The following ZNF554 variants were observed in gnomAD, a reference collection of about 807,000 sequenced individuals.
The protein encoded by ZNF554 is zinc finger protein 554.
In ZNF554, 15 loss-of-function variants were observed where a neutral mutation model predicts 21.2. The observed-to-expected ratio is 0.71, with a 90% CI of 0.47 to 1.09. The LOEUF (loss-of-function observed/expected upper bound fraction) is 1.09. Among genes scored for constraint, ZNF554 ranks in the 50% least tolerant of loss-of-function variants. The pLI, the probability that ZNF554 is intolerant of heterozygous loss-of-function variation, is 0.00. For synonymous variants in ZNF554, 258 were observed against 251.4 expected (o/e 1.03, Z -0.25); for missense variants, 691 against 662.7 (o/e 1.04, Z -0.47).
chr19:2,831,188 G>A (rs2087411674), intron 3 of ZNF554: 1 of 152,150 alleles, frequency 6.6e-6, no homozygotes, highest in Admixed American at 6.6e-5. Context: ...TAATATGTGT[G>A]AAGTGGTATC....
At chr19:2,827,539 GCCA>G in intron 2 of ZNF554, 75 bp from the exon 3 acceptor site, 1 of 1,536,356 alleles carries the variant, frequency 6.5e-7, no homozygotes, top group Non-Finnish European at 8.8e-7. Flanking sequence ...CTTCCCTGGT[GCCA>G]CCAACCTCAC....
At chr19:2,828,389 C>T (rs561739063) in intron 3 of ZNF554, among the ~76,000 whole-genome samples, 1 of 152,344 alleles carries the variant, frequency 6.6e-6, no homozygotes, top group East Asian at 1.9e-4. Flanking sequence ...CCGTTTCACA[C>T]TGCTATAAAG....
At chr19:2,824,239 C>G (rs912554714) in intron 2 of ZNF554, among the ~76,000 whole-genome samples, 2 of 152,192 alleles carry the variant, frequency 1.3e-5, no homozygotes, top group African/African-American at 4.8e-5. Context: ...GTCTCCAGCT[C>G]CTGCCTGCTT....
Position 2,834,010 on chromosome 19 carries a change from G to A in ZNF554, c.775G>A (p.Val259Ile). ...TATTACAAGCTTGGCATCCGATTCA[G>A]TCTTAAACCACCATCAGCTGGGATA... ...LDITSLASDS[V>I]LNHHQLGYAD... Residue 259 changes from valine to isoleucine, a missense_variant, in exon 5 of 5, where the codon GTC (valine) becomes ATC (isoleucine). Val to Ile is a conservative substitution (Grantham distance 29). Coordinates refer to ENST00000317243, the MANE Select transcript of ZNF554 (RefSeq NM_001102651.2). 6.2e-7 allele frequency: 1 copy of A among 1,614,132 alleles called. No homozygotes were observed. The highest frequency in any genetic ancestry group is 8.5e-7 in the Non-Finnish European group (1 of 1,180,040).
At chr19:2,829,376 C>T (rs2087381623) in intron 3 of ZNF554, among the ~76,000 whole-genome samples, 1 of 147,096 alleles carries the variant, frequency 6.8e-6, no homozygotes, top group Non-Finnish European at 1.5e-5. Flanking sequence ...ATATATACAG[C>T]AGTGGCTCAC....
chr19:2,821,782 G>A lies in ZNF554; in HGVS notation c.54-1258G>A, dbSNP rs2087267314. ...CACAGGATCAAGCAATTCTGCCTCAGCCTCTCGAGTAGCTGGGATTACAGG... is the reference window on the plus strand; with the variant it reads ...CACAGGATCAAGCAATTCTGCCTCAACCTCTCGAGTAGCTGGGATTACAGG... On this transcript the variant is annotated intron_variant, in intron 1 of 4. Transcript: ENST00000317243. This position sits in a 1 kb window ranked among gnomAD's most constrained non-coding sequence, Gnocchi z 8.2. 6.6e-6 allele frequency among the ~76,000 whole-genome samples: 1 copy of A among 151,624 alleles called. No individual in the cohort carries two copies. The highest frequency in any genetic ancestry group is 1.9e-4 in the East Asian group (1 of 5,132).
chr19:2,827,560 C>A, intron 2 of ZNF554, 57 bp from the exon 3 acceptor site: 1 of 1,575,036 alleles, frequency 6.3e-7, no homozygotes, highest in South Asian at 1.2e-5. Context: ...CACCCCTCCT[C>A]CCATGAACGT....
At position 2,827,707 on chromosome 19, in the gene ZNF554, G is replaced by A. The variant is rs140125301; in HGVS notation, c.217G>A (p.Val73Met). The A allele has an allele frequency of 3.1e-6, 5 of 1,614,028 alleles. No homozygotes were observed. The highest frequency in any genetic ancestry group is 2.5e-6 in the Non-Finnish European group (3 of 1,179,952). ...TGCTCAGAAGAACCTGTACAGAGAG[G>A]TGATGCTGGAGAACTACAGGAACGT... Reference protein sequence around the residue: ...EPAQKNLYREVMLENYRNVVS... With the variant: ...EPAQKNLYREMMLENYRNVVS... The change falls in exon 3 of 5, where the codon GTG (valine) becomes ATG (methionine). Residue 73 changes from valine (V) to methionine (M), a missense_variant. Transcript: ENST00000317243.
Position 2,834,027 on chromosome 19 carries a change from G to A in ZNF554, c.792G>A (p.Gln264=), listed in dbSNP as rs899566813. The part of the protein sequence containing the change: ...LASDSVLNHH[Q]LGYADRRPCE... ...CCGATTCAGTCTTAAACCACCATCA[G>A]CTGGGATATGCAGATCGGAGACCTT... Residue 264 remains glutamine, a synonymous_variant, in exon 5 of 5, where the codon CAG becomes CAA. Coordinates refer to ENST00000317243, the MANE Select transcript of ZNF554 (RefSeq NM_001102651.2). 6.2e-7 allele frequency: 1 copy of A among 1,614,148 alleles called. No individual in the cohort carries two copies. The highest frequency in any genetic ancestry group is 8.5e-7 in the Non-Finnish European group (1 of 1,180,040).
In ZNF554 at chr19:2,834,260, A is replaced by G. The variant is rs2087464862; in HGVS notation, c.1025A>G (p.His342Arg). ...VFNRRHSLSEHQRIHTGEKPY... is the reference protein window; with the variant it reads ...VFNRRHSLSERQRIHTGEKPY... ...AACCGGAGGCATTCTTTGAGCGAAC[A>G]TCAAAGAATTCACACGGGGGAGAAA... is the stretch of plus-strand genomic sequence containing the variant. Residue 342 changes from histidine to arginine, a missense_variant, in exon 5 of 5, where the codon CAT (histidine) becomes CGT (arginine). Coordinates refer to ENST00000317243, the MANE Select transcript of ZNF554 (RefSeq NM_001102651.2). 3 of 1,614,104 alleles carry G rather than the reference A, an allele frequency of 1.9e-6. No individual in the cohort carries two copies. Among genetic ancestry groups the G allele is most frequent in the Non-Finnish European group, 1.7e-6 (2 of 1,180,034 alleles).
chr19:2,823,211 G>C (rs1178291285), intron 2 of ZNF554, 99 bp downstream of exon 2: 3 of 1,211,146 alleles, frequency 2.5e-6, no homozygotes, highest in Non-Finnish European at 3.5e-6. Context: ...CTTGCTATGT[G>C]AAAGTTCAGG....
Position 2,834,315 on chromosome 19 carries a change from C to G in ZNF554, c.1080C>G (p.Ala360=). ...KPYECQECGR[A]FTHSSTLTRH... is the part of the protein sequence containing the mutation. ...ACGAGTGTCAGGAGTGTGGGCGAGC[C>G]TTTACGCACAGCTCCACCCTCACGC... The change falls in exon 5 of 5, where the codon GCC becomes GCG. Residue 360 remains alanine, a synonymous_variant. Transcript: ENST00000317243. The G allele has an allele frequency of 6.2e-7, 1 of 1,614,054 alleles. No individual in the cohort carries two copies. The highest frequency in any genetic ancestry group is 8.5e-7 in the Non-Finnish European group (1 of 1,180,028).
intron 3 of ZNF554, among the ~76,000 whole-genome samples, chr19:2,829,673 G>A (rs2144815947): frequency 2.0e-5 from 3 of 152,124 alleles, no homozygotes; most frequent in Middle Eastern, 3.4e-3. Flanking sequence ...ATATATATAT[G>A]CACACACGTA....
rs1599554230 is a variant in ZNF554, at chr19:2,834,209, A to G, written c.974A>G (p.Glu325Gly). The G allele has an allele frequency of 6.2e-7, 1 of 1,614,044 alleles. No homozygotes were observed. Among genetic ancestry groups the G allele is most frequent in the East Asian group, 2.2e-5 (1 of 44,890 alleles). ...NKINTAEKPF[E>G]CHQCGKVFNR... ...ATCAACACGGCAGAGAAACCCTTTG[A>G]GTGCCACCAGTGTGGGAAGGTGTTC... The change falls in exon 5 of 5, where the codon GAG (glutamate) becomes GGG (glycine). Residue 325 changes from glutamate (E) to glycine (G), a missense_variant. By Grantham distance (98) the Glu-to-Gly change is moderately conservative. Coordinates refer to ENST00000317243, the MANE Select transcript of ZNF554 (RefSeq NM_001102651.2).
rs368607233 is a variant in ZNF554 at position 2,832,481 on chromosome 19, A to G, written c.432A>G (p.Gln144=). 2.6e-5 allele frequency: 41 copies of G among 1,605,402 alleles called. No individual in the cohort carries two copies. In the Middle Eastern group the frequency reaches 6.6e-4, roughly 26 times the overall value. ...GGATAGAGGAAAAAGGAACTCCTCA[A>G]GCCTCCTGTTCAGGTGAGAATCAGG... ...ALWIEEKGTP[Q]ASCSDWMTVL... is the part of the protein sequence containing the mutation. The change falls in exon 4 of 5, where the codon CAA becomes CAG. Residue 144 remains glutamine, a synonymous_variant. Transcript: ENST00000317243.
At position 2,833,551 on chromosome 19, in the gene ZNF554, A is replaced by G. The variant is rs190649419; in HGVS notation, c.446-130A>G. ...TCTCTCTTTTTCCCATCCTTCCCGC[A>G]TGTTCAGAGTTGATATTTGAACATC... is the stretch of plus-strand genomic sequence containing the variant. On this transcript the variant is annotated intron_variant, in intron 4 of 4. Transcript: ENST00000317243. 5.8e-4 allele frequency: 409 copies of G among 700,274 alleles called. 3 individuals carry two copies. The Admixed American group carries it at 9.4e-3, about 16-fold the overall frequency. 43.4% of individuals were successfully genotyped at this position (700,274 alleles called of 1,614,324 possible). A position where few individuals can be genotyped will look rare whatever the true frequency, so the allele number is the denominator to read the frequency against.
chr19:2,824,640 C>T (rs943346748), intron 2 of ZNF554, among the ~76,000 whole-genome samples: 1 of 152,152 alleles, frequency 6.6e-6, no homozygotes, highest in African/African-American at 2.4e-5. Flanking sequence ...TGAACTTTAC[C>T]GTCTTAGCTG....
Position 2,833,714 on chromosome 19 carries a change from C to A in ZNF554, c.479C>A (p.Thr160Asn). 6.5e-7 allele frequency: 1 copy of A among 1,537,460 alleles called. No individual in the cohort carries two copies. Among genetic ancestry groups the A allele is most frequent in the Non-Finnish European group, 8.7e-7 (1 of 1,143,104 alleles). Residue 160 changes from threonine to asparagine, a missense_variant, in exon 5 of 5, where the codon ACT becomes AAT. Transcript: ENST00000317243. ...WMTVLRNQDSTYKKVALQEEP... is the reference protein window; with the variant it reads ...WMTVLRNQDSNYKKVALQEEP... The stretch of plus-strand genomic sequence containing the variant: ...ACTGTACTAAGAAACCAAGACTCAA[C>A]TTACAAGAAGGTGGCTTTGCAGGAG...
rs1399545867 is a variant in ZNF554, at chr19:2,833,778, A to T, written c.543A>T (p.Arg181Ser). 1 of 1,607,604 alleles carries T rather than the reference A, an allele frequency of 6.2e-7. No homozygotes were observed. Among genetic ancestry groups the T allele is most frequent in the Non-Finnish European group, 8.5e-7 (1 of 1,177,702 alleles). Residue 181 changes from arginine (R) to serine (S), a missense_variant, in exon 5 of 5, where the codon AGA becomes AGT. Arg to Ser is a moderately radical substitution (Grantham distance 110). Coordinates refer to ENST00000317243, the MANE Select transcript of ZNF554 (RefSeq NM_001102651.2). ...ASGINMIKLIREDGGWKQLED... is the reference protein window; with the variant it reads ...ASGINMIKLISEDGGWKQLED... Reference sequence around the variant, plus strand: ...GTATAAATATGATAAAGCTTATCAGAGAAGATGGGGGATGGAAGCAGTTAG... The same window carrying T: ...GTATAAATATGATAAAGCTTATCAGTGAAGATGGGGGATGGAAGCAGTTAG...
Sources: gnomAD v4.1 joint callset for allele counts (sites outside exome capture counted in the v4.1 genomes callset) on GRCh38, gnomAD v4.1.1 for gene constraint, Gnocchi (gnomAD v3.1) non-coding constraint, MANE v1.5 for transcripts, NCBI Gene and HGNC (gene_info 2026-07-23, HGNC 2026-07-21) for gene names.